The following REEP3 variants were observed in gnomAD, a reference collection of about 807,000 sequenced individuals.
The protein encoded by REEP3 is receptor accessory protein 3, also known as receptor expression-enhancing protein 3.
A neutral mutation model predicts 41.3 loss-of-function variants in REEP3; 20 were observed. The observed-to-expected ratio is 0.48, with a 90% confidence interval of 0.34 to 0.70. The LOEUF (loss-of-function observed/expected upper bound fraction) is 0.70. REEP3 is among the 30% of genes least tolerant of loss of function. REEP3 has a pLI of 0.01. For missense variants in REEP3, 271 were observed against 308.8 expected, an observed-to-expected ratio of 0.88 and a Z score of 0.92; for synonymous variants, 104 against 101.8, an observed-to-expected ratio of 1.02 and a Z score of -0.13.
intron 1 of REEP3, chr10:63,562,910 T>A (rs541602146): frequency 2.2e-6 from 1 of 456,524 alleles, no homozygotes; most frequent in African/African-American, 2.0e-5. Flanking sequence ...AGAATGTGAC[T>A]ACGTTTGGAG....
At chr10:63,604,766 T>C (rs1956208064) in intron 5 of REEP3, among the ~76,000 whole-genome samples, 1 of 152,144 alleles carries the variant, frequency 6.6e-6, no homozygotes, top group Non-Finnish European at 1.5e-5. Flanking sequence ...AGCAATTGAG[T>C]TAATCTGGAT....
At chr10:63,594,372 T>A (rs1421639035) in intron 2 of REEP3, among the ~76,000 whole-genome samples, 4 of 152,152 alleles carry the variant, frequency 2.6e-5, no homozygotes, top group Admixed American at 2.0e-4. Context: ...CAGCGTACCC[T>A]GTCTCTACAA....
intron 5 of REEP3, among the ~76,000 whole-genome samples, chr10:63,602,272 G>A (rs988019632): frequency 6.6e-6 from 1 of 152,190 alleles, no homozygotes; most frequent in African/African-American, 2.4e-5. Context: ...GAGAAGGAAA[G>A]TGGAAGAGAA....
intron 6 of REEP3, among the ~76,000 whole-genome samples, chr10:63,614,442 C>G (rs1181559096): frequency 2.6e-5 from 4 of 152,172 alleles, no homozygotes; most frequent in African/African-American, 9.7e-5. Context: ...GAGTCATAAT[C>G]TCAAAGAGAG....
rs116550706 is a variant in REEP3 at position 63,604,828 on chromosome 10, C to A, written c.418-5359C>A. Among the ~76,000 whole-genome samples, 605 of 152,246 alleles carry A rather than the reference C, an allele frequency of 4.0e-3. 5 individuals are homozygous for A. Among genetic ancestry groups the A allele is most frequent in the African/African-American group, 0.014 (588 of 41,550 alleles). On this transcript the variant is annotated intron_variant, in intron 5 of 7. Coordinates refer to ENST00000373758, the MANE Select transcript of REEP3 (RefSeq NM_001001330.3). ...ATTAGCCACGAGATTTTGGGCAAATCATCTGCATTGATCTAAGCATTAATT... is the reference window on the plus strand; with the variant it reads ...ATTAGCCACGAGATTTTGGGCAAATAATCTGCATTGATCTAAGCATTAATT...
chr10:63,550,663 G>A (rs1361788574), intron 1 of REEP3, among the ~76,000 whole-genome samples: 1 of 152,116 alleles, frequency 6.6e-6, no homozygotes, highest in Non-Finnish European at 1.5e-5. Flanking sequence ...CAGAGATTTG[G>A]TAAGGATGGA....
At chr10:63,601,666 C>T (rs952832507) in intron 5 of REEP3, among the ~76,000 whole-genome samples, 3 of 152,158 alleles carry the variant, frequency 2.0e-5, no homozygotes, top group Non-Finnish European at 4.4e-5. Flanking sequence ...CACCTGTAAT[C>T]CCAGCACTTT....
At chr10:63,584,752 G>A (rs934618558) in intron 2 of REEP3, among the ~76,000 whole-genome samples, 2 of 152,186 alleles carry the variant, frequency 1.3e-5, no homozygotes, top group African/African-American at 4.8e-5. Context: ...TCTCTCTGTT[G>A]TCTCTGAAAT....
At chr10:63,620,301 A>T (rs1956343940) in intron 7 of REEP3, among the ~76,000 whole-genome samples, 1 of 152,222 alleles carries the variant, frequency 6.6e-6, no homozygotes, top group African/African-American at 2.4e-5. Context: ...TGAAAATGGT[A>T]AACTCTTAAT....
At chr10:63,617,789 C>T (rs991798919) in intron 6 of REEP3, among the ~76,000 whole-genome samples, 3 of 147,390 alleles carry the variant, frequency 2.0e-5, no homozygotes, top group Non-Finnish European at 3.0e-5. Flanking sequence ...GTGCCTTCTC[C>T]TAAGCCTGGA....
rs1956378911 is a variant in REEP3 at position 63,624,239 on chromosome 10, G to A, written c.*3370G>A. 1 of 152,010 alleles carries A rather than the reference G, an allele frequency of 6.6e-6. No homozygotes were observed. The highest frequency in any genetic ancestry group is 2.1e-4 in the South Asian group (1 of 4,836). 9.4% of individuals were successfully genotyped at this position (152,010 alleles called of 1,614,324 possible). ...TTTTGAGAAGATCATTGTTATTGTG[G>A]TTTGCAGTATATATTTCTTAGTAAA... On this transcript the variant is annotated 3_prime_UTR_variant, in exon 8 of 8. Coordinates refer to ENST00000373758, the MANE Select transcript of REEP3 (RefSeq NM_001001330.3).
chr10:63,596,982 A>G (rs952321005), intron 3 of REEP3, among the ~76,000 whole-genome samples: 1 of 152,216 alleles, frequency 6.6e-6, no homozygotes, highest in Non-Finnish European at 1.5e-5. Context: ...CTCATGCCAG[A>G]AGGCAAAAGC....
chr10:63,556,613 TGTTTTTTTTTTTGTTGTTTTG>T (rs1955684393), intron 1 of REEP3, among the ~76,000 whole-genome samples: 1 of 4,984 alleles, frequency 2.0e-4, no homozygotes, highest in Non-Finnish European at 1.3e-3. Context: ...TCTGTTTGCT[TGTTTTTTTTTTTGTTGTTTTG>T]TTTTTTTTTT....
chr10:63,575,945 C>T (rs1955895243), intron 2 of REEP3, among the ~76,000 whole-genome samples: 1 of 152,156 alleles, frequency 6.6e-6, no homozygotes, highest in South Asian at 2.1e-4. Context: ...GTTGGTCAGG[C>T]TGGTCTTGAA....
At chr10:63,557,199 C>T (rs2133367174) in intron 1 of REEP3, among the ~76,000 whole-genome samples, 1 of 152,278 alleles carries the variant, frequency 6.6e-6, no homozygotes, top group East Asian at 1.9e-4. Context: ...TAGCCTAGTT[C>T]AAGCTCGCAG....
chr10:63,584,736 A>G (rs1955988811), intron 2 of REEP3, among the ~76,000 whole-genome samples: 2 of 152,222 alleles, frequency 1.3e-5, no homozygotes, highest in African/African-American at 4.8e-5. Context: ...AATCTGTATC[A>G]GAGGATCTCT....
intron 5 of REEP3, among the ~76,000 whole-genome samples, chr10:63,603,994 T>C (rs1210176338): frequency 1.3e-5 from 2 of 152,218 alleles, no homozygotes; most frequent in Admixed American, 1.3e-4. Flanking sequence ...AAGCCAACAG[T>C]AAGATCTGAA....
At chr10:63,533,708 A>ATATTTT (rs1464023228) in intron 1 of REEP3, among the ~76,000 whole-genome samples, 1 of 94,076 alleles carries the variant, frequency 1.1e-5, no homozygotes, top group East Asian at 4.5e-4. Flanking sequence ...AAGTATGTAA[A>ATATTTT]TCTTTTTTTT....
intron 6 of REEP3, among the ~76,000 whole-genome samples, chr10:63,616,876 A>T (rs1956316236): frequency 6.6e-6 from 1 of 152,222 alleles, no homozygotes; most frequent in African/African-American, 2.4e-5. Context: ...ACATTTTTTA[A>T]AAATAAGAAT....
Sources: gnomAD v4.1 joint callset for allele counts (sites outside exome capture counted in the v4.1 genomes callset) on GRCh38, gnomAD v4.1.1 for gene constraint, MANE v1.5 for transcripts, NCBI Gene and HGNC (gene_info 2026-07-23, HGNC 2026-07-21) for gene names.